Variants in CDKL3 observed in about 807,000 individuals in gnomAD.
The protein encoded by CDKL3 is cyclin-dependent kinase-like 3.
Under a neutral mutation model 69.3 loss-of-function variants are expected in CDKL3, and 65 were observed. That is an observed-to-expected ratio of 0.94 (90% confidence interval 0.77 to 1.15). CDKL3 has a LOEUF of 1.15. CDKL3 is among the 50% of genes most tolerant of loss of function. The probability of loss-of-function intolerance (pLI) is 0.00; values close to 1 mark genes in which losing one functional copy is unlikely to be tolerated. For synonymous variants in CDKL3, 202 were observed against 221.6 expected (o/e 0.91, Z 0.79); for missense variants, 652 against 689.2 (o/e 0.95, Z 0.61).
In CDKL3 at chr5:134,312,194, T is replaced by C. The variant is rs557076417; in HGVS notation, c.881+98A>G. 26 of 702,280 alleles carry C rather than the reference T, an allele frequency of 3.7e-5. No individual in the cohort carries two copies. The South Asian group carries it at 4.1e-4, about 11-fold the overall frequency. 43.5% of individuals were successfully genotyped at this position (702,280 alleles called of 1,614,324 possible). On this transcript the variant is annotated intron_variant, in intron 7 of 12. Transcript: ENST00000265334. ...AATAAATTTTTGTTAAACTGAATAT[T>C]TGTTATATAAAAGTAACCTATACAG...
At chr5:134,296,466 T>C (rs1420725652), downstream of CDKL3, among the ~76,000 whole-genome samples, 1 of 152,122 alleles carries the variant, frequency 6.6e-6, no homozygotes, top group East Asian at 1.9e-4. Context: ...AGAGCACATG[T>C]GCAATGGGCA....
At chr5:134,305,310 C>T (rs770061340) in intron 10 of CDKL3, among the ~76,000 whole-genome samples, 15 of 151,894 alleles carry the variant, frequency 9.9e-5, no homozygotes, top group Non-Finnish European at 1.6e-4. Context: ...AGACAGGGTC[C>T]GTTATGTCGC....
chr5:134,301,237 A>T (rs1766220388), intron 12 of CDKL3, among the ~76,000 whole-genome samples: 3 of 152,132 alleles, frequency 2.0e-5, no homozygotes, highest in African/African-American at 7.2e-5. Flanking sequence ...ACTTCAGGTG[A>T]TCCACCCTCT....
chr5:134,368,057 G>A (rs1757862622), upstream of CDKL3, among the ~76,000 whole-genome samples: 1 of 152,176 alleles, frequency 6.6e-6, no homozygotes, highest in Non-Finnish European at 1.5e-5. Flanking sequence ...AAGAGGAAAG[G>A]CATTATTTAA....
chr5:134,361,108 A>C (rs980902449), intron 2 of CDKL3, among the ~76,000 whole-genome samples: 10 of 152,376 alleles, frequency 6.6e-5, no homozygotes, highest in African/African-American at 2.4e-4. Flanking sequence ...GTATCAGCTT[A>C]GGAAACAAAT....
Position 134,366,456 on chromosome 5 carries a change from T to A in CDKL3, c.68A>T (p.His23Leu), listed in dbSNP as rs142797820. 1 of 1,609,184 alleles carries A rather than the reference T, an allele frequency of 6.2e-7. No homozygotes were observed. The highest frequency in any genetic ancestry group is 1.1e-5 in the South Asian group (1 of 89,808). ...GGCCACTATCTGCCCAGTATTCTTA[T>A]GTTTACATTTCATGACTGTTCCGTA... ...GSYGTVMKCK[H>L]KNTGQIVAIK... The change falls in exon 2 of 13, where the codon CAT (histidine) becomes CTT (leucine). Residue 23 changes from histidine (H) to leucine (L), a missense_variant. Transcript: ENST00000265334.
At chr5:134,359,730 C>T (rs141375163) in intron 3 of CDKL3, among the ~76,000 whole-genome samples, 167 bp downstream of exon 3, 303 of 152,240 alleles carry the variant, frequency 2.0e-3, no homozygotes, top group African/African-American at 6.9e-3. Context: ...TTTTTTGGTT[C>T]TGCAACTAAA....
chr5:134,289,833 C>T (rs1394565328), intron 8 of CDKL3, among the ~76,000 whole-genome samples: 1 of 152,130 alleles, frequency 6.6e-6, no homozygotes, highest in Non-Finnish European at 1.5e-5. Context: ...ACAATCAATA[C>T]AAAGTACTGT....
Position 134,350,307 on chromosome 5 carries a change from CAT to C in CDKL3, c.479_480del (p.Tyr160CysfsTer7). ...LAAPGDIYTDYVATRWYRAPE... is the reference protein window; with the variant it reads ...LAAPGDIYTDXVATRWYRAPE... The stretch of plus-strand genomic sequence containing the variant: ...GGAGCTCTATACCAGCGTGTGGCCA[CAT>C]AGTCCGTATAAATGTCCCCAGGAGC... On this transcript the variant is annotated frameshift_variant, in exon 4 of 13. Coordinates refer to ENST00000265334, the MANE Select transcript of CDKL3 (RefSeq NM_001113575.2). LOFTEE classifies it high-confidence loss of function. 8 of 1,594,100 alleles carry C rather than the reference CAT, an allele frequency of 5.0e-6. No homozygotes were observed. Among genetic ancestry groups the C allele is most frequent in the Non-Finnish European group, 6.0e-6 (7 of 1,169,946 alleles).
At chr5:134,298,319 G>C (rs555112603), downstream of CDKL3, 168 of 1,037,054 alleles carry the variant, frequency 1.6e-4, no homozygotes, top group African/African-American at 2.2e-3. Flanking sequence ...TAACTGACTC[G>C]AAGTTATGTG....
At chr5:134,371,452 T>G, upstream of CDKL3, 1 of 1,053,982 alleles carries the variant, frequency 9.5e-7, no homozygotes, top group Non-Finnish European at 1.4e-6. Flanking sequence ...GGAGACGTCA[T>G]TGCAGGGTTG....
chr5:134,325,645 G>A (rs1463575738), intron 4 of CDKL3, among the ~76,000 whole-genome samples: 1 of 151,752 alleles, frequency 6.6e-6, no homozygotes, highest in Non-Finnish European at 1.5e-5. Flanking sequence ...AACCATTCTG[G>A]TGGTTATATA....
chr5:134,325,384 G>A (rs1027873423), intron 4 of CDKL3, among the ~76,000 whole-genome samples: 2 of 152,176 alleles, frequency 1.3e-5, no homozygotes, highest in African/African-American at 4.8e-5. Context: ...TGATATAATA[G>A]TAACTTATAA....
chr5:134,329,728 C>G (rs1391814906), intron 4 of CDKL3, among the ~76,000 whole-genome samples: 2 of 152,044 alleles, frequency 1.3e-5, no homozygotes, highest in Non-Finnish European at 2.9e-5. Flanking sequence ...CTCGGCCTCC[C>G]AAAGTGCTGG....
At chr5:134,292,306 G>GTA (rs1765154911) in intron 8 of CDKL3, among the ~76,000 whole-genome samples, 2 of 152,010 alleles carry the variant, frequency 1.3e-5, no homozygotes, top group Non-Finnish European at 2.9e-5. Context: ...TTAAAAATCA[G>GTA]TAACAGAAAG....
intron 2 of CDKL3, among the ~76,000 whole-genome samples, chr5:134,362,074 T>C (rs963099721): frequency 4.6e-5 from 7 of 152,212 alleles, no homozygotes; most frequent in African/African-American, 1.7e-4. Flanking sequence ...AGGTACAGTA[T>C]TTACTCAGAT....
intron 12 of CDKL3, 78 bp from the exon 13 acceptor site, chr5:134,298,788 T>C: frequency 6.5e-6 from 10 of 1,539,300 alleles, no homozygotes; most frequent in Non-Finnish European, 8.8e-6. Flanking sequence ...ACTTTATTAA[T>C]GCTAAATTAC....
chr5:134,346,843 C>T (rs1447026653), intron 4 of CDKL3, among the ~76,000 whole-genome samples: 2 of 152,056 alleles, frequency 1.3e-5, no homozygotes, highest in Non-Finnish European at 2.9e-5. Flanking sequence ...TGCATTGAAA[C>T]CCATTAAATA....
At position 134,286,717 on chromosome 5, in the gene CDKL3, T is replaced by A. The variant is rs564429385; in HGVS notation, c.*678-158A>T. Among the ~76,000 whole-genome samples the A allele has an allele frequency of 1.2e-3, 187 of 152,118 alleles. 1 individual carries two copies. Among genetic ancestry groups the A allele is most frequent in the Middle Eastern group, 6.8e-3 (2 of 294 alleles). ...AGAGAGGGAGCTTGTGCAGGAAAAC[T>A]CCCCCTTGTAATAACCATCAGATCT... On this transcript the variant is annotated intron_variant and NMD_transcript_variant, in intron 8 of 8. Transcript: ENST00000519312.
Sources: gnomAD v4.1 joint callset for allele counts (sites outside exome capture counted in the v4.1 genomes callset) on GRCh38, gnomAD v4.1.1 for gene constraint, MANE v1.5 for transcripts, NCBI Gene and HGNC (gene_info 2026-07-23, HGNC 2026-07-21) for gene names.